Variants in MARCHF1 observed in about 807,000 individuals in gnomAD.
MARCHF1 encodes the protein E3 ubiquitin-protein ligase MARCHF1.
In MARCHF1, 40 loss-of-function variants were observed where a neutral mutation model predicts 54.2. The ratio of observed to expected loss-of-function variants is 0.74; its 90% CI spans 0.57 to 0.96. The LOEUF (loss-of-function observed/expected upper bound fraction) is 0.96. Ranked by LOEUF, MARCHF1 falls within the 40% of genes least tolerant of loss-of-function variation. The pLI is 0.00. For synonymous variants in MARCHF1, 236 were observed against 236.3 expected, an observed-to-expected ratio of 1.00 and a Z score of 0.01; for missense variants, 586 against 656.5, an observed-to-expected ratio of 0.89 and a Z score of 1.17.
chr4:164,029,571 A>ATT (rs1335516395), intron 2 of MARCHF1, among the ~76,000 whole-genome samples: 3 of 151,456 alleles, frequency 2.0e-5, no homozygotes, highest in African/African-American at 7.3e-5. Context: ...AAATTGACAT[A>ATT]TATATATATG....
chr4:163,536,631 A>G (rs1298268934), intron 9 of MARCHF1, among the ~76,000 whole-genome samples: 2 of 152,024 alleles, frequency 1.3e-5, no homozygotes, highest in Non-Finnish European at 2.9e-5. Flanking sequence ...AGCTTTTACA[A>G]CCCCTCTTCA....
intron 2 of MARCHF1, among the ~76,000 whole-genome samples, chr4:164,079,486 T>G (rs2111109429): frequency 6.6e-6 from 1 of 152,308 alleles, no homozygotes; most frequent in South Asian, 2.1e-4. Flanking sequence ...TTTATTATTG[T>G]AATGTATTTA....
At chr4:163,844,858 T>C (rs1032426578) in intron 4 of MARCHF1, among the ~76,000 whole-genome samples, 2 of 152,168 alleles carry the variant, frequency 1.3e-5, no homozygotes, top group Admixed American at 1.3e-4. Flanking sequence ...CTTAAGAAGC[T>C]TGTGTGTTGC....
intron 2 of MARCHF1, among the ~76,000 whole-genome samples, chr4:164,027,280 C>A (rs2110982513): frequency 7.3e-6 from 1 of 136,694 alleles, no homozygotes; most frequent in East Asian, 2.3e-4. Flanking sequence ...ATAGCCAAAG[C>A]AATCCTAAGC....
chr4:164,018,765 T>G (rs1191715317), intron 2 of MARCHF1, among the ~76,000 whole-genome samples: 1 of 152,224 alleles, frequency 6.6e-6, no homozygotes, highest in African/African-American at 2.4e-5. Flanking sequence ...CTACTTTTGC[T>G]TATCATAATA....
At chr4:163,568,308 C>A (rs1346435707) in intron 8 of MARCHF1, among the ~76,000 whole-genome samples, 1 of 151,986 alleles carries the variant, frequency 6.6e-6, no homozygotes, top group Admixed American at 6.5e-5. Context: ...AATGATAATT[C>A]TTTGTTTTTT....
intron 1 of MARCHF1, among the ~76,000 whole-genome samples, chr4:164,143,650 C>T (rs544347868): frequency 2.0e-5 from 3 of 152,248 alleles, no homozygotes; most frequent in Non-Finnish European, 4.4e-5. Flanking sequence ...CCAGGCCTGC[C>T]CTAAAAGAGC....
chr4:164,225,480 T>A (rs1732226363), intron 1 of MARCHF1, among the ~76,000 whole-genome samples: 1 of 151,968 alleles, frequency 6.6e-6, no homozygotes, highest in Admixed American at 6.6e-5. Context: ...TTGAAGATAG[T>A]AAACATGGAA....
At chr4:164,105,462 A>G (rs1755670787) in intron 2 of MARCHF1, among the ~76,000 whole-genome samples, 1 of 146,790 alleles carries the variant, frequency 6.8e-6, no homozygotes, top group African/African-American at 2.5e-5. Flanking sequence ...ATAACGCTGC[A>G]TATCTACAAC....
intron 4 of MARCHF1, among the ~76,000 whole-genome samples, chr4:163,789,140 A>G (rs1747701444): frequency 6.6e-6 from 1 of 151,984 alleles, no homozygotes; most frequent in Non-Finnish European, 1.5e-5. Flanking sequence ...ATTAGTCTCT[A>G]TAGATTTGTG....
chr4:163,747,036 A>G (rs1039752464), intron 4 of MARCHF1, among the ~76,000 whole-genome samples: 1 of 152,178 alleles, frequency 6.6e-6, no homozygotes, highest in Non-Finnish European at 1.5e-5. Flanking sequence ...AGGTAAAGGG[A>G]ACAAAGTTCA....
intron 1 of MARCHF1, among the ~76,000 whole-genome samples, chr4:164,351,109 C>T (rs1730306670): frequency 6.6e-6 from 1 of 152,222 alleles, no homozygotes; most frequent in Non-Finnish European, 1.5e-5. Context: ...CTCGGAGGGT[C>T]CTACCCCACG....
chr4:164,274,662 T>A (rs28433717), intron 1 of MARCHF1, among the ~76,000 whole-genome samples: 3 of 64,938 alleles, frequency 4.6e-5, no homozygotes. Context: ...GGGTACACTT[T>A]TTTTTTTTTT....
chr4:164,318,870 T>C (rs1362229413), intron 1 of MARCHF1, among the ~76,000 whole-genome samples: 1 of 152,242 alleles, frequency 6.6e-6, no homozygotes, highest in Non-Finnish European at 1.5e-5. Context: ...TCTATATCAT[T>C]TGTAATATGT....
rs869081083 is a variant in MARCHF1 at position 163,986,249 on chromosome 4, C to CTTTTTTTT, written c.-39+2244_-39+2251dup. 4.8e-3 allele frequency among the ~76,000 whole-genome samples: 137 copies of CTTTTTTTT among 28,842 alleles called. 14 individuals carry two copies. Among genetic ancestry groups the CTTTTTTTT allele is most frequent in the African/African-American group, 9.3e-3 (94 of 10,138 alleles). The allele number at this position is 28,842 out of a possible 152,430, so 18.9% of individuals were successfully genotyped here. A position where few individuals can be genotyped will look rare whatever the true frequency, so the allele number is the denominator to read the frequency against. On this transcript the variant is annotated intron_variant, in intron 3 of 9. Transcript: ENST00000514618. ...TTCCTTTTCTCCTAATTAACCTCTT[C>CTTTTTTTT]TTTTTTTTTTTTTTTTTTTTTTTTT... is the stretch of plus-strand genomic sequence containing the variant.
intron 5 of MARCHF1, among the ~76,000 whole-genome samples, chr4:163,626,697 G>A (rs927282906): frequency 6.6e-6 from 1 of 152,136 alleles, no homozygotes; most frequent in Non-Finnish European, 1.5e-5. Flanking sequence ...GGGAGGCCGA[G>A]GCGGGTGGAT....
At chr4:163,666,283 A>G (rs570716069) in intron 5 of MARCHF1, among the ~76,000 whole-genome samples, 2 of 152,108 alleles carry the variant, frequency 1.3e-5, no homozygotes, top group African/African-American at 4.8e-5. Flanking sequence ...AATAATATAT[A>G]TTTTTTCCAT....
rs191961261 is a variant in MARCHF1 at position 164,159,750 on chromosome 4, G to C, written c.-322-48088C>G. 8.5e-5 allele frequency among the ~76,000 whole-genome samples: 13 copies of C among 152,306 alleles called. No individual in the cohort carries two copies. The East Asian group carries it at 2.5e-3, about 29-fold the overall frequency. Reference sequence around the variant, plus strand: ...TTTCTGGGGAAAGTTATCAGCGATGGAAAGAATGTAAGCTAGCAGGAAATA... The same window carrying C: ...TTTCTGGGGAAAGTTATCAGCGATGCAAAGAATGTAAGCTAGCAGGAAATA... On this transcript the variant is annotated intron_variant, in intron 1 of 9. Coordinates refer to ENST00000514618, the MANE Select transcript of MARCHF1 (RefSeq NM_001394959.1).
intron 3 of MARCHF1, among the ~76,000 whole-genome samples, chr4:163,944,930 A>G (rs1426111762): frequency 6.6e-6 from 1 of 152,218 alleles, no homozygotes; most frequent in South Asian, 2.1e-4. Context: ...TTGACTATTC[A>G]TATTCCTAGG....
Sources: allele counts gnomAD v4.1 joint callset (sites outside exome capture counted in the v4.1 genomes callset), GRCh38; gene constraint gnomAD v4.1.1; transcripts MANE v1.5; gene names NCBI Gene and HGNC (gene_info 2026-07-23, HGNC 2026-07-21).